FERMT1: variants seen among roughly 807,000 people sequenced by gnomAD.
The protein encoded by FERMT1 is fermitin family homolog 1.
FERMT1 carries 60 observed loss-of-function variants against 85.3 expected under a neutral mutation model. The observed-to-expected ratio is 0.70, with a 90% CI of 0.57 to 0.87. The LOEUF is 0.87. Among genes scored for constraint, FERMT1 ranks in the 40% least tolerant of loss-of-function variants. FERMT1 has a pLI of 0.00. For synonymous variants in FERMT1, 275 were observed against 301.1 expected, an observed-to-expected ratio of 0.91 and a Z score of 0.90; for missense variants, 701 against 818.9, an observed-to-expected ratio of 0.86 and a Z score of 1.76.
chr20:6,116,700 G>A (rs1983111260), intron 2 of FERMT1, among the ~76,000 whole-genome samples: 1 of 148,802 alleles, frequency 6.7e-6, no homozygotes, highest in Admixed American at 6.8e-5. Context: ...TTATATTACA[G>A]CTTGGGCAAC....
intron 12 of FERMT1, 88 bp downstream of exon 12, chr20:6,084,978 C>A: frequency 7.7e-7 from 1 of 1,304,544 alleles, no homozygotes; most frequent in Non-Finnish European, 1.1e-6. Flanking sequence ...CAGGTGTGAG[C>A]CACCATGCCC....
intron 10 of FERMT1, 36 bp downstream of exon 10, chr20:6,088,929 T>A: frequency 6.3e-7 from 1 of 1,599,608 alleles, no homozygotes; most frequent in Non-Finnish European, 8.5e-7. Flanking sequence ...TGCCCTGACT[T>A]ACGATGAGCC....
intron 11 of FERMT1, among the ~76,000 whole-genome samples, chr20:6,087,461 C>T (rs1982217343): frequency 6.6e-6 from 1 of 152,190 alleles, no homozygotes; most frequent in South Asian, 2.1e-4. Context: ...CAGGCACCCA[C>T]CACCATGCCT....
chr20:6,089,389 G>A lies in FERMT1; in HGVS notation c.1140-300C>T, dbSNP rs547871353. ...GCACTGCCTCTGTGTGATGGGGACC[G>A]TCGTAGTCTGGGAACCCAGGGCTTT... On this transcript the variant is annotated intron_variant, in intron 9 of 14. Transcript: ENST00000217289. Among the ~76,000 whole-genome samples, 6 of 152,282 alleles carry A rather than the reference G, an allele frequency of 3.9e-5. No homozygotes were observed. The South Asian group carries it at 8.3e-4, about 21-fold the overall frequency.
At chr20:6,117,861 C>T (rs1036569999) in intron 2 of FERMT1, among the ~76,000 whole-genome samples, 2 of 149,712 alleles carry the variant, frequency 1.3e-5, no homozygotes, top group African/African-American at 4.9e-5. Flanking sequence ...GGGGTTTCAC[C>T]ATGTTGGCCA....
intron 7 of FERMT1, among the ~76,000 whole-genome samples, 191 bp from the exon 8 acceptor site, chr20:6,097,224 T>C (rs143125509): frequency 1.1e-3 from 173 of 152,354 alleles, no homozygotes; most frequent in African/African-American, 4.1e-3. Flanking sequence ...TGGTTAGTCA[T>C]GTTACAACTG....
At position 6,079,550 on chromosome 20, in the gene FERMT1, A is replaced by G. The variant is rs959321628; in HGVS notation, c.1746T>C (p.Ile582=). 2 of 1,614,100 alleles carry G rather than the reference A, an allele frequency of 1.2e-6. No homozygotes were observed. Among genetic ancestry groups the G allele is most frequent in the South Asian group, 1.1e-5 (1 of 91,084 alleles). The change falls in exon 14 of 15, where the codon ATT becomes ATC. Residue 582 remains isoleucine, a synonymous_variant. Coordinates refer to ENST00000217289, the MANE Select transcript of FERMT1 (RefSeq NM_017671.5). ...VRFKGSKKDD[I]LGVSYNRLIK... ...TCAACCTGTTATATGAAACTCCCAG[A>G]ATGTCATCTTTTTTGCTTCCTTTAA...
At position 6,088,097 on chromosome 20, in the gene FERMT1, A is replaced by G. The variant is rs1187857951; in HGVS notation, c.1265-214T>C. On this transcript the variant is annotated intron_variant, in intron 10 of 14. Coordinates refer to ENST00000217289, the MANE Select transcript of FERMT1 (RefSeq NM_017671.5). ...ATAAAGAAAAATGCTTTTCTTTTAC[A>G]GTTTTCTTAAAAAGTCAATTTAGTT... Among the ~76,000 whole-genome samples, 3 of 135,386 alleles carry G rather than the reference A, an allele frequency of 2.2e-5. No homozygotes were observed. The East Asian group carries it at 6.6e-4, about 30-fold the overall frequency. The allele number at this position is 135,386 out of a possible 152,430, so 88.8% of individuals were successfully genotyped here. A position where few individuals can be genotyped will look rare whatever the true frequency, so the allele number is the denominator to read the frequency against.
chr20:6,109,855 T>C (rs541415099), intron 5 of FERMT1, among the ~76,000 whole-genome samples: 40 of 150,774 alleles, frequency 2.7e-4, no homozygotes, highest in Non-Finnish European at 4.9e-4. Context: ...TGAGCTGAGA[T>C]TGCGCCATTG....
At chr20:6,085,347 AG>A in intron 11 of FERMT1, 60 bp from the exon 12 acceptor site, 1 of 1,493,226 alleles carries the variant, frequency 6.7e-7, no homozygotes. Flanking sequence ...CTGCACACAG[AG>A]GGGGACTTGG....
chr20:6,096,196 A>T (rs780798946), intron 8 of FERMT1, among the ~76,000 whole-genome samples: 4 of 152,244 alleles, frequency 2.6e-5, no homozygotes, highest in Non-Finnish European at 5.9e-5. Flanking sequence ...GTTGAAATGG[A>T]TGACCAAGTA....
chr20:6,078,652 T>C (rs200444895), intron 14 of FERMT1, among the ~76,000 whole-genome samples: 1 of 148,814 alleles, frequency 6.7e-6, no homozygotes, highest in Admixed American at 6.7e-5. Flanking sequence ...TTTTGTTTTT[T>C]TTTTTTTTAA....
intron 1 of FERMT1, chr20:6,120,267 C>T (rs891279146): frequency 3.3e-5 from 5 of 152,002 alleles, no homozygotes; most frequent in African/African-American, 9.7e-5. Flanking sequence ...GCCATGTATT[C>T]GATTTACTTA....
At chr20:6,083,919 A>C (rs1982084177) in intron 13 of FERMT1, 121 bp downstream of exon 13, 1 of 1,156,646 alleles carries the variant, frequency 8.6e-7, no homozygotes, top group Non-Finnish European at 1.3e-6. Flanking sequence ...TATTTATAAA[A>C]GGGCAATATT....
At chr20:6,089,698 G>A (rs1600431364) in intron 9 of FERMT1, among the ~76,000 whole-genome samples, 1 of 152,148 alleles carries the variant, frequency 6.6e-6, no homozygotes, top group Non-Finnish European at 1.5e-5. Context: ...GGAAATCAGC[G>A]ATATCTACAG....
intron 14 of FERMT1, among the ~76,000 whole-genome samples, chr20:6,077,589 T>C (rs1337061768): frequency 2.0e-5 from 3 of 152,192 alleles, no homozygotes; most frequent in Admixed American, 6.5e-5. Context: ...CCCAACACAT[T>C]TTCTGTCTAC....
chr20:6,100,429 T>C (rs1982631997), intron 6 of FERMT1, among the ~76,000 whole-genome samples: 1 of 152,040 alleles, frequency 6.6e-6, no homozygotes, highest in Non-Finnish European at 1.5e-5. Flanking sequence ...GACTGATGAT[T>C]ACTCAGGGCT....
In FERMT1 at chr20:6,087,880, C is replaced by T; in HGVS notation, c.1268G>A (p.Cys423Tyr). 6.3e-7 allele frequency: 1 copy of T among 1,587,196 alleles called. No individual in the cohort carries two copies. The highest frequency in any genetic ancestry group is 8.7e-7 in the Non-Finnish European group (1 of 1,156,050). The change falls in exon 11 of 15, where the codon TGC becomes TAC. Residue 423 changes from cysteine to tyrosine, a missense_variant. Coordinates refer to ENST00000217289, the MANE Select transcript of FERMT1 (RefSeq NM_017671.5). ...TACATTTACATCGGGCACAACTTCG[C>T]AGCCTGAAGGACAAAGATCAGAGAC... ...EPLEKLNLRGCEVVPDVNVAG... is the reference protein window; with the variant it reads ...EPLEKLNLRGYEVVPDVNVAG...
chr20:6,095,479 A>T (rs3761878), intron 8 of FERMT1, among the ~76,000 whole-genome samples: 46,104 of 152,108 alleles, frequency 0.3, 7,331 homozygotes, highest in East Asian at 0.55. Flanking sequence ...ATTTTTATAT[A>T]AGAGTGGGTA....
Sources: allele counts gnomAD v4.1 joint callset (sites outside exome capture counted in the v4.1 genomes callset), GRCh38; gene constraint gnomAD v4.1.1; transcripts MANE v1.5; gene names NCBI Gene and HGNC (gene_info 2026-07-23, HGNC 2026-07-21).